GRIN2A: variants seen among roughly 807,000 people sequenced by gnomAD.
GRIN2A encodes glutamate ionotropic receptor NMDA type subunit 2A.
GRIN2A carries 22 observed loss-of-function variants against 113.4 expected under a neutral mutation model. The ratio of observed to expected loss-of-function variants is 0.19; its 90% CI spans 0.14 to 0.28. The LOEUF (loss-of-function observed/expected upper bound fraction) is 0.28, where lower values mean the gene tolerates loss of function less well. GRIN2A is among the 10% of genes least tolerant of loss of function. GRIN2A has a pLI of 1.00. For missense variants in GRIN2A, 1,502 were observed against 1,887.0 expected (o/e 0.80, Z 3.78); for synonymous variants, 827 against 738.4 (o/e 1.12, Z -1.94).
chr16:9,886,605 G>A (rs2043590810), intron 4 of GRIN2A, among the ~76,000 whole-genome samples: 1 of 152,132 alleles, frequency 6.6e-6, no homozygotes, highest in Non-Finnish European at 1.5e-5. Context: ...AGTTTCTTGA[G>A]TACAGAAAAT....
intron 2 of GRIN2A, among the ~76,000 whole-genome samples, chr16:9,981,517 T>C (rs2045891582): frequency 6.6e-6 from 1 of 152,376 alleles, no homozygotes; most frequent in South Asian, 2.1e-4. Context: ...TTCTTACCAA[T>C]GTTCTCCTTC....
In GRIN2A at chr16:9,756,487, C is replaced by T; in HGVS notation, c.*6662G>A. ...TGCCCAGGAACCTCAAAAGAGCACACCTCTCTTTCTGACTTCTATTCTGAC... is the reference window on the plus strand; with the variant it reads ...TGCCCAGGAACCTCAAAAGAGCACATCTCTCTTTCTGACTTCTATTCTGAC... On this transcript the variant is annotated 3_prime_UTR_variant, in exon 13 of 13. Coordinates refer to ENST00000330684, the MANE Select transcript of GRIN2A (RefSeq NM_001134407.3). 1 of 225,244 alleles carries T rather than the reference C, an allele frequency of 4.4e-6. No homozygotes were observed. The allele number at this position is 225,244 out of a possible 1,614,324, so 14.0% of individuals were successfully genotyped here. A position where few individuals can be genotyped will look rare whatever the true frequency, so the allele number is the denominator to read the frequency against.
chr16:9,778,123 T>C (rs1901718089), intron 11 of GRIN2A, among the ~76,000 whole-genome samples: 1 of 152,190 alleles, frequency 6.6e-6, no homozygotes, highest in South Asian at 2.1e-4. Flanking sequence ...CCAGTGTCTC[T>C]TTCAGAAGAA....
At chr16:9,963,072 G>C (rs1173260862) in intron 2 of GRIN2A, among the ~76,000 whole-genome samples, 2 of 141,822 alleles carry the variant, frequency 1.4e-5, no homozygotes, top group East Asian at 4.4e-4. Flanking sequence ...ACTGAACAAT[G>C]AGAACACACG....
At chr16:10,140,776 C>A (rs544973159) in intron 2 of GRIN2A, among the ~76,000 whole-genome samples, 7 of 152,276 alleles carry the variant, frequency 4.6e-5, no homozygotes, top group Admixed American at 6.5e-5. Context: ...GATGAAGCGA[C>A]CAGGAAGTGG....
At chr16:9,954,307 G>A (rs527632803) in intron 2 of GRIN2A, among the ~76,000 whole-genome samples, 1 of 152,130 alleles carries the variant, frequency 6.6e-6, no homozygotes, top group Non-Finnish European at 1.5e-5. Flanking sequence ...TTGTTCCCCA[G>A]AGAACAAAAA....
intron 2 of GRIN2A, among the ~76,000 whole-genome samples, chr16:9,993,875 T>C (rs565042648): frequency 6.6e-6 from 1 of 152,200 alleles, no homozygotes; most frequent in African/African-American, 2.4e-5. Flanking sequence ...GGGAAAAGGA[T>C]GCATTCTTTG....
At chr16:9,793,756 T>C (rs1406452397) in intron 11 of GRIN2A, among the ~76,000 whole-genome samples, 1 of 152,172 alleles carries the variant, frequency 6.6e-6, no homozygotes, top group Non-Finnish European at 1.5e-5. Flanking sequence ...AGAATATATA[T>C]GTATGTATAT....
intron 2 of GRIN2A, among the ~76,000 whole-genome samples, chr16:10,178,309 C>T (rs935730868): frequency 2.0e-5 from 3 of 152,204 alleles, no homozygotes; most frequent in Admixed American, 2.0e-4. Context: ...CTTGTCCCTC[C>T]TGAAGATGGA....
intron 2 of GRIN2A, among the ~76,000 whole-genome samples, chr16:9,944,796 G>C (rs572383258): frequency 2.0e-5 from 3 of 152,198 alleles, no homozygotes; most frequent in African/African-American, 7.2e-5. Context: ...GGCAGGAAAG[G>C]ATCCCATGCT....
At chr16:9,906,570 T>C (rs746255565) in intron 3 of GRIN2A, among the ~76,000 whole-genome samples, 23 of 152,196 alleles carry the variant, frequency 1.5e-4, no homozygotes, top group Admixed American at 3.3e-4. Flanking sequence ...CTAGAAGGGA[T>C]CACTGTCTTT....
chr16:9,973,131 C>T (rs1314212099), intron 2 of GRIN2A, among the ~76,000 whole-genome samples: 1 of 152,070 alleles, frequency 6.6e-6, no homozygotes. Flanking sequence ...TCTCAAGTAC[C>T]GATCTTAGGT....
chr16:10,058,316 C>CA (rs901731948), intron 2 of GRIN2A, among the ~76,000 whole-genome samples: 7 of 150,824 alleles, frequency 4.6e-5, no homozygotes, highest in African/African-American at 1.7e-4. Flanking sequence ...AACAAAGAAA[C>CA]AAAAAAACCG....
At chr16:9,993,687 C>G (rs1347140946) in intron 2 of GRIN2A, among the ~76,000 whole-genome samples, 1 of 152,120 alleles carries the variant, frequency 6.6e-6, no homozygotes, top group East Asian at 1.9e-4. Context: ...GAAACAAAGA[C>G]ACAGAGGAAA....
At chr16:10,075,227 G>C (rs980951978) in intron 2 of GRIN2A, among the ~76,000 whole-genome samples, 1 of 151,910 alleles carries the variant, frequency 6.6e-6, no homozygotes, top group South Asian at 2.1e-4. Context: ...TCACTTAAAG[G>C]TCCTCCTCCC....
chr16:10,130,583 A>C (rs1173484188), intron 2 of GRIN2A, among the ~76,000 whole-genome samples: 1 of 152,158 alleles, frequency 6.6e-6, no homozygotes, highest in Non-Finnish European at 1.5e-5. Flanking sequence ...ACATTATATA[A>C]ACCTTCTGAA....
At chr16:10,173,528 C>T (rs188032446) in intron 2 of GRIN2A, among the ~76,000 whole-genome samples, 498 of 152,282 alleles carry the variant, frequency 3.3e-3, no homozygotes, top group Non-Finnish European at 5.5e-3. Flanking sequence ...AAACACTGCA[C>T]GAATGCCCTG....
chr16:10,113,646 G>T (rs550518804), intron 2 of GRIN2A, among the ~76,000 whole-genome samples: 1 of 152,266 alleles, frequency 6.6e-6, no homozygotes, highest in South Asian at 2.1e-4. Flanking sequence ...ATACACTACT[G>T]CATGTATAAA....
At chr16:9,945,465 T>C (rs1390429195) in intron 2 of GRIN2A, among the ~76,000 whole-genome samples, 1 of 151,868 alleles carries the variant, frequency 6.6e-6, no homozygotes, top group Non-Finnish European at 1.5e-5. Flanking sequence ...GAGACATGAG[T>C]TAGGACAGGA....
Sources: allele counts gnomAD v4.1 joint callset (sites outside exome capture counted in the v4.1 genomes callset), GRCh38; gene constraint gnomAD v4.1.1; transcripts MANE v1.5; gene names NCBI Gene and HGNC (gene_info 2026-07-23, HGNC 2026-07-21).